The following ALLC variants were observed in gnomAD, a reference collection of about 807,000 sequenced individuals.
ALLC encodes probable inactive allantoicase.
In ALLC, 40 loss-of-function variants were observed where a neutral mutation model predicts 45.0. The ratio of observed to expected loss-of-function variants is 0.89; its 90% CI spans 0.69 to 1.16. ALLC has a LOEUF of 1.16. Ranked by LOEUF, ALLC falls within the 50% of genes most tolerant of loss-of-function variation. The probability of loss-of-function intolerance (pLI) is 0.00; values close to 1 mark genes in which losing one functional copy is unlikely to be tolerated. For synonymous variants in ALLC, 176 were observed against 178.1 expected (o/e 0.99, Z 0.09); for missense variants, 488 against 493.1 (o/e 0.99, Z 0.10).
chr2:3,657,125 G>A (rs1331483743), upstream of ALLC, among the ~76,000 whole-genome samples: 1 of 152,192 alleles, frequency 6.6e-6, no homozygotes, highest in Non-Finnish European at 1.5e-5. Context: ...ATCTGGATGG[G>A]CAGACAGATG....
chr2:3,646,491 A>G, the ALLC span, among the ~76,000 whole-genome samples: 1 of 152,230 alleles, frequency 6.6e-6, no homozygotes, highest in African/African-American at 2.4e-5. Context: ...TTGGAAGGAC[A>G]TAGCAAACAA....
chr2:3,686,825 T>C (rs1667344743), intron 7 of ALLC, among the ~76,000 whole-genome samples: 1 of 151,170 alleles, frequency 6.6e-6, no homozygotes, highest in South Asian at 2.1e-4. Flanking sequence ...GTTTATCAGT[T>C]CTAATAGTTT....
intron 7 of ALLC, among the ~76,000 whole-genome samples, chr2:3,689,947 CTT>C (rs36098107): frequency 3.6e-5 from 5 of 137,806 alleles, no homozygotes; most frequent in Admixed American, 7.3e-5. Context: ...AGTGTCTTGT[CTT>C]TTTTTTTTTT....
chr2:3,648,540 C>T, the ALLC span, among the ~76,000 whole-genome samples: 3 of 152,228 alleles, frequency 2.0e-5, no homozygotes, highest in African/African-American at 7.2e-5. Context: ...GGGGATCCTG[C>T]AGGGTCTGGG....
chr2:3,690,812 G>T (rs1287618889), intron 7 of ALLC, among the ~76,000 whole-genome samples: 1 of 152,072 alleles, frequency 6.6e-6, no homozygotes, highest in East Asian at 1.9e-4. Flanking sequence ...ATTTTTGATA[G>T]ATTTGTCTTT....
At chr2:3,685,760 C>T (rs886843364) in intron 7 of ALLC, among the ~76,000 whole-genome samples, 1 of 150,984 alleles carries the variant, frequency 6.6e-6, no homozygotes, top group Non-Finnish European at 1.5e-5. Flanking sequence ...AAAAAATATA[C>T]CTGTTGCCCA....
At chr2:3,652,653 G>A in the ALLC span, among the ~76,000 whole-genome samples, 99 of 140,140 alleles carry the variant, frequency 7.1e-4, no homozygotes, top group East Asian at 7.0e-3. Flanking sequence ...GCAGTGGCGT[G>A]ATCTCGGCTC....
chr2:3,683,786 T>G (rs1281626167), intron 7 of ALLC, among the ~76,000 whole-genome samples: 1 of 152,216 alleles, frequency 6.6e-6, no homozygotes, highest in Non-Finnish European at 1.5e-5. Context: ...AGCCCCAAAA[T>G]TTGAAATGTT....
At chr2:3,660,206 C>A (rs1290842984) in intron 1 of ALLC, among the ~76,000 whole-genome samples, 1 of 152,274 alleles carries the variant, frequency 6.6e-6, no homozygotes, top group East Asian at 1.9e-4. Context: ...TAGGAGGAGC[C>A]TGGCGTCCCT....
At chr2:3,649,256 T>C in the ALLC span, among the ~76,000 whole-genome samples, 2 of 151,832 alleles carry the variant, frequency 1.3e-5, no homozygotes, top group Non-Finnish European at 2.9e-5. Flanking sequence ...TTTTTTTTTT[T>C]TTTGAGACGG....
At chr2:3,675,944 TG>T (rs1667014184) in intron 3 of ALLC, among the ~76,000 whole-genome samples, 1 of 152,206 alleles carries the variant, frequency 6.6e-6, no homozygotes, top group Non-Finnish European at 1.5e-5. Context: ...AGGGCCCTCT[TG>T]GGATGGCCAC....
intron 4 of ALLC, 23 bp downstream of exon 4, chr2:3,678,578 C>T (rs370586019): frequency 6.3e-6 from 10 of 1,596,016 alleles, no homozygotes; most frequent in East Asian, 2.2e-5. Context: ...GTTCGTTCAT[C>T]GAAGTGCAGC....
chr2:3,702,629 G>C lies in ALLC; in HGVS notation c.*66G>C. 1 of 1,424,824 alleles carries C rather than the reference G, an allele frequency of 7.0e-7. No homozygotes were observed. Among genetic ancestry groups the C allele is most frequent in the Non-Finnish European group, 9.3e-7 (1 of 1,071,088 alleles). 88.3% of individuals were successfully genotyped at this position (1,424,824 alleles called of 1,614,324 possible). A position where few individuals can be genotyped will look rare whatever the true frequency, so the allele number is the denominator to read the frequency against. The stretch of plus-strand genomic sequence containing the variant: ...CCCAGTCATAGTCTTCTTTTCAAAT[G>C]TTTTGAACACCTGGTGATTTAATAA... On this transcript the variant is annotated 3_prime_UTR_variant, in exon 12 of 12. Transcript: ENST00000252505.
At chr2:3,651,152 T>C in the ALLC span, among the ~76,000 whole-genome samples, 60 of 152,064 alleles carry the variant, frequency 3.9e-4, no homozygotes, top group African/African-American at 1.4e-3. Context: ...AGCCTGGGGC[T>C]GCCCGGCGGT....
intron 1 of ALLC, among the ~76,000 whole-genome samples, chr2:3,670,536 G>C (rs980571698): frequency 6.6e-6 from 1 of 152,158 alleles, no homozygotes. Flanking sequence ...CGCCATGGCC[G>C]CATGGCCCCG....
chr2:3,668,160 C>T (rs562633253), intron 1 of ALLC, among the ~76,000 whole-genome samples: 17 of 152,160 alleles, frequency 1.1e-4, no homozygotes, highest in Admixed American at 4.6e-4. Context: ...GCCTGGGGGC[C>T]GTGGGGGCTG....
the ALLC span, among the ~76,000 whole-genome samples, chr2:3,649,729 G>A: frequency 6.6e-6 from 1 of 152,236 alleles, no homozygotes; most frequent in Non-Finnish European, 1.5e-5. Flanking sequence ...CCCATCGCAG[G>A]GCAACACACC....
chr2:3,681,124 C>T (rs891552248), intron 5 of ALLC, among the ~76,000 whole-genome samples: 5 of 152,158 alleles, frequency 3.3e-5, no homozygotes, highest in African/African-American at 1.2e-4. Flanking sequence ...GGCCCTGCTC[C>T]CTGAAGATGG....
chr2:3,666,923 A>C (rs1666741205), intron 1 of ALLC, among the ~76,000 whole-genome samples: 1 of 152,236 alleles, frequency 6.6e-6, no homozygotes, highest in Admixed American at 6.5e-5. Flanking sequence ...CCTAGGGAGC[A>C]CACAAAATGT....
Sources: gnomAD v4.1 joint callset for allele counts (sites outside exome capture counted in the v4.1 genomes callset) on GRCh38, gnomAD v4.1.1 for gene constraint, MANE v1.5 for transcripts, NCBI Gene and HGNC (gene_info 2026-07-23, HGNC 2026-07-21) for gene names.